DSCAM: variants seen among roughly 807,000 people sequenced by gnomAD.
DSCAM encodes DS cell adhesion molecule.
In DSCAM, 47 loss-of-function variants were observed where a neutral mutation model predicts 217.7. The ratio of observed to expected loss-of-function variants is 0.22; its 90% CI spans 0.17 to 0.28. The LOEUF (loss-of-function observed/expected upper bound fraction) is 0.28, where lower values mean the gene tolerates loss of function less well. Ranked by LOEUF, DSCAM falls within the 10% of genes least tolerant of loss-of-function variation. The pLI, the probability that DSCAM is intolerant of heterozygous loss-of-function variation, is 1.00. For missense variants in DSCAM, 2,080 were observed against 2,618.3 expected (o/e 0.79, Z 4.49); for synonymous variants, 1,056 against 1,015.3 (o/e 1.04, Z -0.76).
chr21:40,569,102 C>T (rs2146200339), intron 3 of DSCAM, among the ~76,000 whole-genome samples: 1 of 152,274 alleles, frequency 6.6e-6, no homozygotes, highest in South Asian at 2.1e-4. Flanking sequence ...GGACACAGAC[C>T]TACCCACTGT....
chr21:40,528,898 C>CTTTTTTT lies in DSCAM; in HGVS notation c.509-159660_509-159654dup, dbSNP rs911356584. ...TCTTTGGCAATGTCCAGGCTTTCCA[C>CTTTTTTT]TTTTTTTTTTTTTTTTTTTTTTTGA... On this transcript the variant is annotated intron_variant, in intron 3 of 32. Coordinates refer to ENST00000400454, the MANE Select transcript of DSCAM (RefSeq NM_001389.5). Among the ~76,000 whole-genome samples the CTTTTTTT allele has an allele frequency of 8.2e-4, 81 of 99,378 alleles. 2 individuals carry two copies. The highest frequency in any genetic ancestry group is 1.6e-3 in the Admixed American group (14 of 8,588). 65.2% of individuals were successfully genotyped at this position (99,378 alleles called of 152,430 possible).
rs186352748 is a variant in DSCAM, at chr21:40,042,946, C to T, written c.5384-273G>A. 3.6e-4 allele frequency among the ~76,000 whole-genome samples: 52 copies of T among 146,464 alleles called. No homozygotes were observed. The East Asian group carries it at 9.7e-3, about 27-fold the overall frequency. On this transcript the variant is annotated intron_variant, in intron 31 of 32. Transcript: ENST00000400454. ...TTTCCATAAATAAATAACGCCTTCC[C>T]TTTAAAAAAAATCCTGCTTTTAGTG...
intron 28 of DSCAM, 21 bp downstream of exon 28, chr21:40,062,848 G>A (rs1225348846): frequency 3.8e-6 from 6 of 1,571,540 alleles, no homozygotes; most frequent in Non-Finnish European, 5.2e-6. Flanking sequence ...TGATATCTGG[G>A]GTGCTAGGTC....
chr21:40,301,991 G>A (rs940045664), intron 9 of DSCAM, among the ~76,000 whole-genome samples: 8 of 152,152 alleles, frequency 5.3e-5, no homozygotes, highest in Admixed American at 2.6e-4. Context: ...TGGGACTGTT[G>A]CCGTTTGGGC....
At chr21:40,778,991 T>C (rs1279875378) in intron 1 of DSCAM, among the ~76,000 whole-genome samples, 1 of 121,812 alleles carries the variant, frequency 8.2e-6, no homozygotes, top group Non-Finnish European at 1.6e-5. Flanking sequence ...GCCATTGCAC[T>C]CCAGCCTGGG....
chr21:40,467,720 A>T (rs77893365), intron 3 of DSCAM, among the ~76,000 whole-genome samples: 17 of 152,216 alleles, frequency 1.1e-4, no homozygotes, highest in African/African-American at 3.4e-4. Context: ...AGAATTGATT[A>T]AAAAATACAC....
intron 3 of DSCAM, among the ~76,000 whole-genome samples, chr21:40,639,687 GCA>G (rs1491474179): frequency 8.3e-6 from 1 of 120,972 alleles, no homozygotes; most frequent in Non-Finnish European, 1.8e-5. Context: ...GTATGTGTGT[GCA>G]TGTGTGTGTG....
chr21:40,445,971 T>A (rs955191116), intron 3 of DSCAM, among the ~76,000 whole-genome samples: 1 of 152,210 alleles, frequency 6.6e-6, no homozygotes, highest in Admixed American at 6.5e-5. Context: ...GCATATCTGT[T>A]AAGATGAACA....
intron 3 of DSCAM, among the ~76,000 whole-genome samples, chr21:40,686,608 C>T (rs2090481353): frequency 2.6e-5 from 4 of 152,158 alleles, no homozygotes; most frequent in South Asian, 4.1e-4. Flanking sequence ...AAGTCAAAAG[C>T]GTACTTCTCT....
intron 3 of DSCAM, among the ~76,000 whole-genome samples, chr21:40,574,199 T>C (rs906088667): frequency 3.9e-5 from 6 of 151,956 alleles, no homozygotes; most frequent in East Asian, 3.9e-4. Flanking sequence ...AAGAAAAATA[T>C]CCCTTATGGT....
At chr21:40,562,714 T>G (rs2076730010) in intron 3 of DSCAM, among the ~76,000 whole-genome samples, 1 of 152,180 alleles carries the variant, frequency 6.6e-6, no homozygotes, top group Non-Finnish European at 1.5e-5. Flanking sequence ...CTCTGCTATG[T>G]GTATGAGCCT....
chr21:40,196,064 T>C (rs768249453), intron 11 of DSCAM, among the ~76,000 whole-genome samples: 1 of 152,256 alleles, frequency 6.6e-6, no homozygotes, highest in African/African-American at 2.4e-5. Flanking sequence ...AGCTGTAAGA[T>C]GGCAGCCACC....
chr21:40,620,077 GAAAAAAGAA>G, intron 3 of DSCAM, among the ~76,000 whole-genome samples: 3 of 42,114 alleles, frequency 7.1e-5, no homozygotes, highest in African/African-American at 1.9e-4. Flanking sequence ...GAGAGAAAGA[GAAAAAAGAA>G]AGAGAGAGAA....
At chr21:40,720,298 ATAACAT>A (rs1332077176) in intron 1 of DSCAM, among the ~76,000 whole-genome samples, 4 of 152,226 alleles carry the variant, frequency 2.6e-5, no homozygotes, top group African/African-American at 9.6e-5. Flanking sequence ...TCTAGAAAGC[ATAACAT>A]TTAGCTGATT....
At chr21:40,254,195 G>T (rs905392658) in intron 11 of DSCAM, among the ~76,000 whole-genome samples, 1 of 152,174 alleles carries the variant, frequency 6.6e-6, no homozygotes, top group African/African-American at 2.4e-5. Flanking sequence ...TCACAGCTAA[G>T]ATAAATGACA....
At chr21:40,389,838 A>T (rs1460020061) in intron 3 of DSCAM, among the ~76,000 whole-genome samples, 1 of 152,224 alleles carries the variant, frequency 6.6e-6, no homozygotes, top group African/African-American at 2.4e-5. Flanking sequence ...AAGAACACAG[A>T]TTTGGGAAGG....
intron 15 of DSCAM, among the ~76,000 whole-genome samples, chr21:40,176,536 G>A (rs1290751589): frequency 6.6e-6 from 1 of 152,200 alleles, no homozygotes; most frequent in Non-Finnish European, 1.5e-5. Flanking sequence ...ACTCTAATGA[G>A]GATGCCTTTG....
intron 1 of DSCAM, among the ~76,000 whole-genome samples, chr21:40,829,399 G>A (rs1299493284): frequency 6.6e-6 from 1 of 152,206 alleles, no homozygotes; most frequent in East Asian, 1.9e-4. Flanking sequence ...AGAGCTAAGA[G>A]CCCACTCGAG....
At chr21:40,242,149 GT>G (rs376344223) in intron 11 of DSCAM, among the ~76,000 whole-genome samples, 2,793 of 143,596 alleles carry the variant, frequency 0.019, 31 homozygotes, top group Middle Eastern at 0.022. Context: ...GAACCTAAAA[GT>G]TTTTTTTTTT....
Sources: allele counts gnomAD v4.1 joint callset (sites outside exome capture counted in the v4.1 genomes callset), GRCh38; gene constraint gnomAD v4.1.1; transcripts MANE v1.5; gene names NCBI Gene and HGNC (gene_info 2026-07-23, HGNC 2026-07-21).